Variants in ELOVL5 observed in about 807,000 individuals in gnomAD.
ELOVL5 encodes ELOVL fatty acid elongase 5.
A neutral mutation model predicts 38.6 loss-of-function variants in ELOVL5; 8 were observed. That is an observed-to-expected ratio of 0.21 (90% CI 0.12 to 0.37). The LOEUF (loss-of-function observed/expected upper bound fraction) is 0.37, where lower values mean the gene tolerates loss of function less well. Ranked by LOEUF, ELOVL5 falls within the 10% of genes least tolerant of loss-of-function variation. ELOVL5 has a pLI of 1.00. For synonymous variants in ELOVL5, 127 were observed against 133.7 expected (o/e 0.95, Z 0.34); for missense variants, 280 against 367.8 (o/e 0.76, Z 1.95).
At chr6:53,304,871 C>T (rs983932028) in intron 1 of ELOVL5, among the ~76,000 whole-genome samples, 30 of 152,242 alleles carry the variant, frequency 2.0e-4, no homozygotes, top group African/African-American at 5.3e-4. Flanking sequence ...ATCTTTTCCC[C>T]ACCTTTCCCC....
chr6:53,294,479 G>C, intron 2 of ELOVL5: 1 of 1,549,240 alleles, frequency 6.5e-7, no homozygotes, highest in Non-Finnish European at 8.7e-7. Context: ...TCTGAGGACA[G>C]AGCTGCTGAT....
rs1766966893 is a variant in ELOVL5, at chr6:53,295,719, A to C, written c.-8-12T>G. ...TTCCATTTGAAAACCTATTAAGAAA[A>C]AAAAAGATACTGATTAATCTCTACT... On this transcript the variant is annotated splice_polypyrimidine_tract_variant and intron_variant, in intron 1 of 7. Coordinates refer to ENST00000304434, the MANE Select transcript of ELOVL5 (RefSeq NM_021814.5). 6.6e-7 allele frequency: 1 copy of C among 1,512,222 alleles called. No homozygotes were observed. The highest frequency in any genetic ancestry group is 9.0e-7 in the Non-Finnish European group (1 of 1,113,420). The allele number at this position is 1,512,222 out of a possible 1,614,324, so 93.7% of individuals were successfully genotyped here.
intron 1 of ELOVL5, among the ~76,000 whole-genome samples, chr6:53,298,477 A>AT (rs962470417): frequency 5.9e-5 from 9 of 151,804 alleles, no homozygotes; most frequent in East Asian, 1.9e-4. Flanking sequence ...GAAACCCCCC[A>AT]TTTTTTTTCA....
chr6:53,310,847 C>T (rs1767799819), intron 1 of ELOVL5, among the ~76,000 whole-genome samples: 1 of 152,194 alleles, frequency 6.6e-6, no homozygotes, highest in Non-Finnish European at 1.5e-5. Context: ...ACCACAAACC[C>T]CTCCAGACTT....
intron 1 of ELOVL5, among the ~76,000 whole-genome samples, chr6:53,317,609 A>G (rs1243617042): frequency 3.3e-5 from 5 of 151,776 alleles, no homozygotes; most frequent in Non-Finnish European, 5.9e-5. Flanking sequence ...ACACATGGAC[A>G]TAGGAAGGGG....
chr6:53,331,203 T>C (rs1768786354), intron 1 of ELOVL5, among the ~76,000 whole-genome samples: 1 of 152,054 alleles, frequency 6.6e-6, no homozygotes, highest in South Asian at 2.1e-4. Context: ...GGTACATACC[T>C]GTGGTCCCAG....
At chr6:53,288,203 C>G (rs1766645002) in intron 3 of ELOVL5, among the ~76,000 whole-genome samples, 1 of 152,102 alleles carries the variant, frequency 6.6e-6, no homozygotes, top group East Asian at 1.9e-4. Flanking sequence ...TAGAGGTTCT[C>G]AATTTTGGGA....
chr6:53,328,555 A>T (rs1399085431), intron 1 of ELOVL5, among the ~76,000 whole-genome samples: 1 of 152,246 alleles, frequency 6.6e-6, no homozygotes, highest in Non-Finnish European at 1.5e-5. Context: ...GGTTACATAA[A>T]ACAAGATGGA....
intron 1 of ELOVL5, among the ~76,000 whole-genome samples, chr6:53,311,350 G>A (rs956145482): frequency 1.3e-5 from 2 of 152,192 alleles, no homozygotes; most frequent in African/African-American, 4.8e-5. Context: ...AGTAGATGGA[G>A]AAAGTGAAAT....
intron 1 of ELOVL5, among the ~76,000 whole-genome samples, chr6:53,316,778 G>A (rs1435568440): frequency 6.6e-6 from 1 of 151,766 alleles, no homozygotes; most frequent in East Asian, 1.9e-4. Context: ...GGAAGCATGG[G>A]GGCTGCGGGT....
rs536699914 is a variant in ELOVL5 at position 53,292,557 on chromosome 6, A to G, written c.59-594T>C. ...TGTAATCCCAGCACTTTGGGATGCC[A>G]AGGCGGGTGGATCACCTGAAGTCAG... is the stretch of plus-strand genomic sequence containing the variant. On this transcript the variant is annotated intron_variant, in intron 2 of 7. Coordinates refer to ENST00000304434, the MANE Select transcript of ELOVL5 (RefSeq NM_021814.5). 2.0e-5 allele frequency among the ~76,000 whole-genome samples: 3 copies of G among 152,366 alleles called. No individual in the cohort carries two copies. In the South Asian group the frequency reaches 6.2e-4, roughly 32 times the overall value.
chr6:53,304,711 C>A (rs1767411254), intron 1 of ELOVL5, among the ~76,000 whole-genome samples: 1 of 152,138 alleles, frequency 6.6e-6, no homozygotes. Flanking sequence ...TGAGTGGACA[C>A]AGCACATGTT....
chr6:53,317,319 A>G (rs1293203982), intron 1 of ELOVL5, among the ~76,000 whole-genome samples: 2 of 152,258 alleles, frequency 1.3e-5, no homozygotes, highest in African/African-American at 4.8e-5. Flanking sequence ...GTTATAAATC[A>G]TGCTGCTGTA....
chr6:53,294,085 C>A (rs1458635296), intron 2 of ELOVL5: 8 of 1,361,440 alleles, frequency 5.9e-6, no homozygotes, highest in Non-Finnish European at 7.6e-6. Flanking sequence ...ACAAATCTCC[C>A]TATTTTAACT....
intron 2 of ELOVL5, chr6:53,294,080 TCTCC>T: frequency 7.4e-7 from 1 of 1,351,336 alleles, no homozygotes; most frequent in Non-Finnish European, 9.6e-7. Context: ...TACACACAAA[TCTCC>T]CTATTTTAAC....
At chr6:53,314,726 A>C (rs1333347790) in intron 1 of ELOVL5, among the ~76,000 whole-genome samples, 1 of 152,212 alleles carries the variant, frequency 6.6e-6, no homozygotes, top group Non-Finnish European at 1.5e-5. Flanking sequence ...TAAAATTAAA[A>C]AGAAAAAAAA....
chr6:53,276,268 G>A lies in ELOVL5; in HGVS notation c.247-12C>T, dbSNP rs368923638. 3 of 1,574,792 alleles carry A rather than the reference G, an allele frequency of 1.9e-6. No individual in the cohort carries two copies. The East Asian group carries it at 6.7e-5, about 35-fold the overall frequency. ...ACTCCTGTTACTAACTAAAAAAGAA[G>A]AAAGAGCCAGTCACCAACAGCATCT... On this transcript the variant is annotated splice_polypyrimidine_tract_variant and intron_variant, in intron 3 of 7. Transcript: ENST00000304434.
At chr6:53,305,066 C>A (rs1198629608) in intron 1 of ELOVL5, among the ~76,000 whole-genome samples, 8 of 149,292 alleles carry the variant, frequency 5.4e-5, no homozygotes, top group Admixed American at 1.3e-4. Context: ...TGACCCCCCC[C>A]ACCTCCCTCC....
At chr6:53,338,406 C>T (rs957617744) in intron 1 of ELOVL5, among the ~76,000 whole-genome samples, 2 of 152,196 alleles carry the variant, frequency 1.3e-5, no homozygotes, top group African/African-American at 4.8e-5. Context: ...GAAAAGGCAG[C>T]TGCTCTGAAA....
Sources: allele counts gnomAD v4.1 joint callset (sites outside exome capture counted in the v4.1 genomes callset), GRCh38; gene constraint gnomAD v4.1.1; transcripts MANE v1.5; gene names NCBI Gene and HGNC (gene_info 2026-07-23, HGNC 2026-07-21).